The following CADPS2 variants were observed in gnomAD, a reference collection of about 807,000 sequenced individuals.
The protein encoded by CADPS2 is calcium-dependent secretion activator 2.
A neutral mutation model predicts 172.5 loss-of-function variants in CADPS2; 93 were observed. The observed-to-expected ratio is 0.54, with a 90% CI of 0.46 to 0.64. CADPS2 has a LOEUF of 0.64. Ranked by LOEUF, CADPS2 falls within the 30% of genes least tolerant of loss-of-function variation. CADPS2 has a pLI of 0.00. For missense variants in CADPS2, 1,420 were observed against 1,565.9 expected (o/e 0.91, Z 1.57); for synonymous variants, 546 against 555.2 (o/e 0.98, Z 0.23).
chr7:122,463,481 T>C (rs528811089), intron 14 of CADPS2, among the ~76,000 whole-genome samples: 81 of 152,256 alleles, frequency 5.3e-4, no homozygotes, highest in Non-Finnish European at 1.1e-3. Context: ...TAACCTTGTG[T>C]CAATAAATTA....
At chr7:122,390,565 TA>T (rs2044246864) in intron 22 of CADPS2, among the ~76,000 whole-genome samples, 1 of 152,078 alleles carries the variant, frequency 6.6e-6, no homozygotes, top group African/African-American at 2.4e-5. Flanking sequence ...AGAATTCTAC[TA>T]AAAATAGATT....
At chr7:122,680,299 T>G (rs1365645533) in intron 2 of CADPS2, among the ~76,000 whole-genome samples, 1 of 152,240 alleles carries the variant, frequency 6.6e-6, no homozygotes, top group East Asian at 1.9e-4. Flanking sequence ...AAAAAATAAA[T>G]TTTGTTAAGA....
chr7:122,571,884 G>T (rs1189629622), intron 7 of CADPS2, among the ~76,000 whole-genome samples: 3 of 152,114 alleles, frequency 2.0e-5, no homozygotes. Flanking sequence ...TGAAGTAACA[G>T]ATGAGGAGTA....
chr7:122,867,742 C>A (rs1210264421), intron 1 of CADPS2, among the ~76,000 whole-genome samples: 2 of 152,160 alleles, frequency 1.3e-5, no homozygotes, highest in Non-Finnish European at 2.9e-5. Flanking sequence ...GGAAACATGG[C>A]ACTCCCTTTG....
chr7:122,625,277 C>T (rs1188663456), intron 4 of CADPS2, among the ~76,000 whole-genome samples: 8 of 151,902 alleles, frequency 5.3e-5, no homozygotes, highest in East Asian at 1.9e-4. Flanking sequence ...CTCAAACTCC[C>T]GACCTCAGGT....
intron 9 of CADPS2, among the ~76,000 whole-genome samples, chr7:122,503,606 T>C (rs11773442): frequency 1.3e-5 from 2 of 152,204 alleles, no homozygotes; most frequent in South Asian, 2.1e-4. Context: ...TTTTGAGATC[T>C]GTGGATTAGT....
chr7:122,666,478 G>A (rs2081206339), intron 2 of CADPS2, among the ~76,000 whole-genome samples: 1 of 151,930 alleles, frequency 6.6e-6, no homozygotes, highest in African/African-American at 2.4e-5. Flanking sequence ...TGAGTAGCTG[G>A]GACTACTGGC....
At chr7:122,500,937 G>A (rs2059145492) in intron 9 of CADPS2, among the ~76,000 whole-genome samples, 1 of 152,088 alleles carries the variant, frequency 6.6e-6, no homozygotes, top group South Asian at 2.1e-4. Flanking sequence ...AATTGTAATG[G>A]AACATAATAA....
At chr7:122,668,129 C>T (rs2081371367) in intron 2 of CADPS2, among the ~76,000 whole-genome samples, 1 of 152,060 alleles carries the variant, frequency 6.6e-6, no homozygotes, top group South Asian at 2.1e-4. Context: ...ACAATAAGGG[C>T]TAGGACTAGG....
intron 11 of CADPS2, among the ~76,000 whole-genome samples, chr7:122,484,281 A>G (rs1347429400): frequency 6.6e-6 from 1 of 152,192 alleles, no homozygotes; most frequent in Non-Finnish European, 1.5e-5. Context: ...ACCAAGCTAC[A>G]GTAATCAAGA....
chr7:122,514,891 T>C (rs1462708029), intron 8 of CADPS2, among the ~76,000 whole-genome samples: 3 of 152,112 alleles, frequency 2.0e-5, no homozygotes, highest in South Asian at 4.1e-4. Context: ...ACTACACACA[T>C]AGTTAATGAT....
At chr7:122,607,480 C>T (rs200062547) in intron 6 of CADPS2, among the ~76,000 whole-genome samples, 18 of 152,054 alleles carry the variant, frequency 1.2e-4, no homozygotes, top group South Asian at 2.1e-4. Flanking sequence ...AAGACTTTTC[C>T]GAAAAAACTG....
At chr7:122,441,336 A>AGAAT (rs1215704047) in intron 16 of CADPS2, among the ~76,000 whole-genome samples, 176 bp downstream of exon 16, 1 of 152,164 alleles carries the variant, frequency 6.6e-6, no homozygotes, top group Admixed American at 6.6e-5. Context: ...GGCTTCAGGG[A>AGAAT]GAATGAAGTG....
intron 8 of CADPS2, among the ~76,000 whole-genome samples, chr7:122,548,636 C>T (rs1453414852): frequency 1.3e-5 from 2 of 152,116 alleles, no homozygotes; most frequent in African/African-American, 4.8e-5. Flanking sequence ...TGTAGTAAAA[C>T]ATACAATGAG....
chr7:122,421,120 A>G (rs2048482120), intron 17 of CADPS2: 1 of 152,210 alleles, frequency 6.6e-6, no homozygotes, highest in African/African-American at 2.4e-5. Flanking sequence ...GAAGAAGACC[A>G]GTGAGATACC....
At chr7:122,361,514 G>A (rs980755797) in intron 25 of CADPS2, among the ~76,000 whole-genome samples, 1 of 151,872 alleles carries the variant, frequency 6.6e-6, no homozygotes, top group African/African-American at 2.4e-5. Context: ...TTACAGGTGT[G>A]AGCCACCGTG....
At chr7:122,694,707 G>T (rs1294370222) in intron 2 of CADPS2, among the ~76,000 whole-genome samples, 1 of 152,064 alleles carries the variant, frequency 6.6e-6, no homozygotes, top group African/African-American at 2.4e-5. Flanking sequence ...TTTCTGTGCT[G>T]GTAAGTGTAT....
At chr7:122,857,557 CAG>C (rs774646170) in intron 1 of CADPS2, among the ~76,000 whole-genome samples, 3 of 152,146 alleles carry the variant, frequency 2.0e-5, no homozygotes, top group African/African-American at 7.2e-5. Context: ...GGCATTTAGG[CAG>C]AGTCTATTAC....
At chr7:122,492,026 G>A (rs1008604211) in intron 9 of CADPS2, among the ~76,000 whole-genome samples, 4 of 151,946 alleles carry the variant, frequency 2.6e-5, no homozygotes, top group Non-Finnish European at 2.9e-5. Flanking sequence ...CAAAAAATTA[G>A]CCAGGCGTGG....
Sources: allele counts gnomAD v4.1 joint callset (sites outside exome capture counted in the v4.1 genomes callset), GRCh38; gene constraint gnomAD v4.1.1; transcripts MANE v1.5; gene names NCBI Gene and HGNC (gene_info 2026-07-23, HGNC 2026-07-21).